The following TACR3 variants were observed in gnomAD, a reference collection of about 807,000 sequenced individuals.
The protein encoded by TACR3 is tachykinin receptor 3.
In TACR3, 34 loss-of-function variants were observed where a neutral mutation model predicts 35.0. That is an observed-to-expected ratio of 0.97 (90% CI 0.74 to 1.30). The LOEUF (loss-of-function observed/expected upper bound fraction) is 1.30, where lower values mean the gene tolerates loss of function less well. Among genes scored for constraint, TACR3 ranks in the 50% most tolerant of loss-of-function variants. The pLI, the probability that TACR3 is intolerant of heterozygous loss-of-function variation, is 0.00. For synonymous variants in TACR3, 233 were observed against 221.1 expected, an observed-to-expected ratio of 1.05 and a Z score of -0.48; for missense variants, 558 against 591.7, an observed-to-expected ratio of 0.94 and a Z score of 0.59.
intron 3 of TACR3, among the ~76,000 whole-genome samples, chr4:103,596,055 C>T (rs1444109895): frequency 6.6e-6 from 1 of 151,048 alleles, no homozygotes; most frequent in Non-Finnish European, 1.5e-5. Flanking sequence ...CCAATTTCAT[C>T]CATGTCCCTA....
chr4:103,633,275 G>A (rs1438377242), intron 3 of TACR3, among the ~76,000 whole-genome samples: 1 of 151,992 alleles, frequency 6.6e-6, no homozygotes, highest in Non-Finnish European at 1.5e-5. Flanking sequence ...ATAATTAAAA[G>A]TAATTTACTA....
intron 3 of TACR3, among the ~76,000 whole-genome samples, chr4:103,601,854 A>G (rs1724210315): frequency 6.6e-6 from 1 of 152,052 alleles, no homozygotes; most frequent in Non-Finnish European, 1.5e-5. Flanking sequence ...GAATCTGACA[A>G]TTATGTGTCT....
intron 1 of TACR3, among the ~76,000 whole-genome samples, chr4:103,714,266 G>A (rs1295007473): frequency 6.6e-6 from 1 of 151,970 alleles, no homozygotes; most frequent in Non-Finnish European, 1.5e-5. Context: ...CTTGATATCA[G>A]CCGGAGTTCA....
At chr4:103,656,099 A>T in intron 3 of TACR3, 95 bp downstream of exon 3, 2 of 1,459,094 alleles carry the variant, frequency 1.4e-6, no homozygotes, top group Non-Finnish European at 1.9e-6. Flanking sequence ...GTAGAGCATC[A>T]GATCATATTG....
chr4:103,678,026 T>C (rs775409414), intron 1 of TACR3, among the ~76,000 whole-genome samples: 1 of 152,140 alleles, frequency 6.6e-6, no homozygotes, highest in Non-Finnish European at 1.5e-5. Context: ...TTCATCAAGG[T>C]AATGTAGCAT....
chr4:103,637,229 G>C (rs933482105), intron 3 of TACR3, among the ~76,000 whole-genome samples: 14 of 152,040 alleles, frequency 9.2e-5, no homozygotes, highest in African/African-American at 3.4e-4. Context: ...AAATCAAAAA[G>C]CTTATCCACC....
intron 1 of TACR3, among the ~76,000 whole-genome samples, chr4:103,675,578 C>T (rs1726150556): frequency 6.6e-6 from 1 of 151,992 alleles, no homozygotes; most frequent in South Asian, 2.1e-4. Flanking sequence ...AGTGGGTACC[C>T]CACTTCTTCA....
intron 3 of TACR3, among the ~76,000 whole-genome samples, chr4:103,605,168 T>A (rs1431661272): frequency 3.4e-5 from 5 of 148,794 alleles, no homozygotes; most frequent in Non-Finnish European, 7.4e-5. Context: ...CATCATTTTT[T>A]ATGGCTGCAT....
chr4:103,701,675 C>G (rs1192899836), intron 1 of TACR3, among the ~76,000 whole-genome samples: 5 of 151,922 alleles, frequency 3.3e-5, no homozygotes, highest in Admixed American at 6.6e-5. Flanking sequence ...GTAACCAAAA[C>G]AGCATGGTAC....
At chr4:103,647,076 C>G (rs1473624960) in intron 3 of TACR3, among the ~76,000 whole-genome samples, 1 of 151,778 alleles carries the variant, frequency 6.6e-6, no homozygotes, top group Non-Finnish European at 1.5e-5. Context: ...ATTTTAGATT[C>G]TTATCAGATC....
chr4:103,602,844 A>C (rs1724242937), intron 3 of TACR3, among the ~76,000 whole-genome samples: 1 of 152,230 alleles, frequency 6.6e-6, no homozygotes, highest in Non-Finnish European at 1.5e-5. Context: ...TCAGGGAGCC[A>C]CTTAAGGAGG....
Position 103,719,790 on chromosome 4 carries a change from A to C in TACR3, c.-115T>G. On this transcript the variant is annotated 5_prime_UTR_variant, in exon 1 of 5. Transcript: ENST00000304883. ...ACTTTGGTGCCGGAGTCTTCAGATA[A>C]GACTGGAAGCTGAAAGATACTGCAA... is the stretch of plus-strand genomic sequence containing the variant. The C allele has an allele frequency of 7.4e-7, 1 of 1,351,854 alleles. No individual in the cohort carries two copies. The highest frequency in any genetic ancestry group is 1.0e-6 in the Non-Finnish European group (1 of 978,630). The allele number at this position is 1,351,854 out of a possible 1,614,324, so 83.7% of individuals were successfully genotyped here. A position where few individuals can be genotyped will look rare whatever the true frequency, so the allele number is the denominator to read the frequency against.
chr4:103,702,420 T>C (rs1469949910), intron 1 of TACR3, among the ~76,000 whole-genome samples: 1 of 152,142 alleles, frequency 6.6e-6, no homozygotes, highest in South Asian at 2.1e-4. Context: ...GGAGGGAATA[T>C]AGAGAAATAG....
chr4:103,605,210 C>T (rs1724325816), intron 3 of TACR3, among the ~76,000 whole-genome samples: 1 of 140,702 alleles, frequency 7.1e-6, no homozygotes, highest in Non-Finnish European at 1.5e-5. Context: ...GCCACAGTTT[C>T]TTAATCCAGT....
intron 1 of TACR3, among the ~76,000 whole-genome samples, chr4:103,708,859 G>T (rs980562127): frequency 5.3e-5 from 8 of 152,310 alleles, no homozygotes; most frequent in Admixed American, 1.3e-4. Context: ...TGTGACAAAT[G>T]CACAAGCTTC....
rs111290581 is a variant in TACR3, at chr4:103,697,402, GTTTATTTA to G, written c.548+21718_548+21725del. ...ACTTGTGTTATTTATTTATTTATTT[GTTTATTTA>G]TTTATTTATTTATTTATTTATTTAT... On this transcript the variant is annotated intron_variant, in intron 1 of 4. Transcript: ENST00000304883. Among the ~76,000 whole-genome samples the G allele has an allele frequency of 7.7e-3, 1,121 of 144,952 alleles. 12 individuals carry two copies. The highest frequency in any genetic ancestry group is 0.021 in the Middle Eastern group (6 of 288).
chr4:103,612,308 ATTTG>A (rs1459406276), intron 3 of TACR3, among the ~76,000 whole-genome samples: 2 of 152,032 alleles, frequency 1.3e-5, no homozygotes, highest in East Asian at 3.9e-4. Flanking sequence ...TGTGTGCTTT[ATTTG>A]TTCTTATTGA....
At chr4:103,700,150 G>A (rs1217350459) in intron 1 of TACR3, among the ~76,000 whole-genome samples, 1 of 152,106 alleles carries the variant, frequency 6.6e-6, no homozygotes, top group Non-Finnish European at 1.5e-5. Flanking sequence ...CACAACTCCT[G>A]ATTTGTAGTG....
At chr4:103,601,500 G>C (rs963760614) in intron 3 of TACR3, among the ~76,000 whole-genome samples, 3 of 152,034 alleles carry the variant, frequency 2.0e-5, no homozygotes, top group African/African-American at 4.8e-5. Flanking sequence ...TTGCAATTTG[G>C]CATGTTTTTG....
Sources: allele counts gnomAD v4.1 joint callset (sites outside exome capture counted in the v4.1 genomes callset), GRCh38; gene constraint gnomAD v4.1.1; transcripts MANE v1.5; gene names NCBI Gene and HGNC (gene_info 2026-07-23, HGNC 2026-07-21).